MAPK8: variants seen among roughly 807,000 people sequenced by gnomAD.
MAPK8 encodes the protein mitogen-activated protein kinase 8.
A neutral mutation model predicts 52.9 loss-of-function variants in MAPK8; 13 were observed. That is an observed-to-expected ratio of 0.25 (90% CI 0.16 to 0.39). The LOEUF (loss-of-function observed/expected upper bound fraction) is 0.39. Ranked by LOEUF, MAPK8 falls within the 10% of genes least tolerant of loss-of-function variation. MAPK8 has a pLI of 1.00. For missense variants in MAPK8, 300 were observed against 519.2 expected (o/e 0.58, Z 4.10); for synonymous variants, 191 against 169.8 (o/e 1.12, Z -0.97).
Position 48,356,687 on chromosome 10 carries a change from C to T in MAPK8, c.-49-44925C>T, listed in dbSNP as rs931630457. ...TGAAACCCCGTCTTCACTAAAAATA[C>T]AAAAATTAGCTGGTTCTAATGGCAT... On this transcript the variant is annotated intron_variant, in intron 1 of 11. Coordinates refer to ENST00000374189, the MANE Select transcript of MAPK8 (RefSeq NM_001323329.2). Among the ~76,000 whole-genome samples, 3 of 151,382 alleles carry T rather than the reference C, an allele frequency of 2.0e-5. No homozygotes were observed. In the South Asian group the frequency reaches 6.2e-4, roughly 31 times the overall value.
intron 1 of MAPK8, among the ~76,000 whole-genome samples, chr10:48,344,301 T>C (rs1232827021): frequency 2.6e-5 from 4 of 152,210 alleles, no homozygotes; most frequent in Admixed American, 6.5e-5. Flanking sequence ...GCACAGATTT[T>C]GTCAGCTACT....
intron 1 of MAPK8, among the ~76,000 whole-genome samples, chr10:48,330,323 A>G (rs1428931946): frequency 6.6e-6 from 1 of 152,202 alleles, no homozygotes; most frequent in Non-Finnish European, 1.5e-5. Context: ...ACTTAATAGG[A>G]AGATGTTTCA....
chr10:48,308,353 G>A (rs773632887), intron 1 of MAPK8: 2 of 152,078 alleles, frequency 1.3e-5, no homozygotes, highest in Non-Finnish European at 2.9e-5. Flanking sequence ...TTAAAATCAA[G>A]CCTTAAAAAA....
At chr10:48,367,241 C>T (rs1411301546) in intron 1 of MAPK8, among the ~76,000 whole-genome samples, 2 of 152,044 alleles carry the variant, frequency 1.3e-5, no homozygotes, top group South Asian at 2.1e-4. Context: ...TGGTACACGC[C>T]TGTAGTCCTA....
intron 1 of MAPK8, among the ~76,000 whole-genome samples, chr10:48,371,746 C>T (rs1206582963): frequency 6.6e-6 from 1 of 152,124 alleles, no homozygotes; most frequent in Non-Finnish European, 1.5e-5. Context: ...TGCCCCCCTA[C>T]TTCAGATGCC....
chr10:48,315,472 A>G (rs1163749551), intron 1 of MAPK8, among the ~76,000 whole-genome samples: 1 of 152,156 alleles, frequency 6.6e-6, no homozygotes, highest in Non-Finnish European at 1.5e-5. Flanking sequence ...AGAATAAGTG[A>G]CAGCTTTATG....
intron 1 of MAPK8, among the ~76,000 whole-genome samples, chr10:48,326,775 G>A (rs1843564318): frequency 6.6e-6 from 1 of 151,950 alleles, no homozygotes; most frequent in Admixed American, 6.6e-5. Context: ...ATCATTCCTG[G>A]TCCTCCCGTT....
intron 1 of MAPK8, among the ~76,000 whole-genome samples, chr10:48,345,651 C>T (rs892748548): frequency 6.6e-6 from 1 of 152,172 alleles, no homozygotes; most frequent in Non-Finnish European, 1.5e-5. Flanking sequence ...GCTAAAATCC[C>T]TGGACATTAC....
chr10:48,379,949 A>C (rs952949902), intron 1 of MAPK8, among the ~76,000 whole-genome samples: 5 of 151,572 alleles, frequency 3.3e-5, no homozygotes, highest in Non-Finnish European at 7.4e-5. Context: ...AAAAAAAAAA[A>C]AAAAAAAAAA....
intron 1 of MAPK8, among the ~76,000 whole-genome samples, chr10:48,392,141 G>A (rs1365325509): frequency 6.6e-6 from 1 of 152,164 alleles, no homozygotes; most frequent in Non-Finnish European, 1.5e-5. Flanking sequence ...AAACCCACAA[G>A]CCTGTCTGTC....
At chr10:48,322,780 C>T (rs1843122256) in intron 1 of MAPK8, among the ~76,000 whole-genome samples, 1 of 152,184 alleles carries the variant, frequency 6.6e-6, no homozygotes, top group Admixed American at 6.5e-5. Context: ...CCCCGGATGC[C>T]AGACTCCCTT....
intron 2 of MAPK8, among the ~76,000 whole-genome samples, chr10:48,404,349 A>T (rs2042342416): frequency 6.8e-6 from 1 of 147,606 alleles, no homozygotes; most frequent in Non-Finnish European, 1.5e-5. Flanking sequence ...GTAGAGGCGG[A>T]GTTTCACTGT....
At chr10:48,412,560 T>G (rs1378907695) in intron 5 of MAPK8, among the ~76,000 whole-genome samples, 3 of 152,244 alleles carry the variant, frequency 2.0e-5, no homozygotes, top group African/African-American at 7.2e-5. Flanking sequence ...GTATGCCATG[T>G]CTTGTTTTCT....
chr10:48,365,228 T>C (rs144047323), intron 1 of MAPK8, among the ~76,000 whole-genome samples: 2 of 152,004 alleles, frequency 1.3e-5, no homozygotes, highest in African/African-American at 2.4e-5. Flanking sequence ...GAAGCAGGAG[T>C]GAAGTAAAGC....
intron 6 of MAPK8, among the ~76,000 whole-genome samples, chr10:48,421,358 G>T (rs1348627246): frequency 2.0e-5 from 3 of 151,896 alleles, no homozygotes; most frequent in African/African-American, 7.3e-5. Context: ...TATTTTTTGG[G>T]AATTGATAAC....
At chr10:48,327,785 T>C (rs1843679309) in intron 1 of MAPK8, among the ~76,000 whole-genome samples, 1 of 152,232 alleles carries the variant, frequency 6.6e-6, no homozygotes, top group Admixed American at 6.5e-5. Flanking sequence ...ATTCAGATTA[T>C]TGATATAGTT....
intron 1 of MAPK8, among the ~76,000 whole-genome samples, chr10:48,388,644 C>T (rs1381224664): frequency 6.6e-6 from 1 of 152,126 alleles, no homozygotes; most frequent in African/African-American, 2.4e-5. Flanking sequence ...TTATCTGTTT[C>T]TTCAGTATAT....
At chr10:48,343,760 A>G (rs1234430183) in intron 1 of MAPK8, among the ~76,000 whole-genome samples, 1 of 152,226 alleles carries the variant, frequency 6.6e-6, no homozygotes, top group East Asian at 1.9e-4. Context: ...GAAATTTTGA[A>G]AAGAATGGAG....
chr10:48,401,310 A>T (rs540817769), intron 1 of MAPK8, among the ~76,000 whole-genome samples: 3 of 152,282 alleles, frequency 2.0e-5, no homozygotes, highest in Non-Finnish European at 4.4e-5. Flanking sequence ...AAACATGTTT[A>T]ATTTTAATTA....
Sources: gnomAD v4.1 joint callset for allele counts (sites outside exome capture counted in the v4.1 genomes callset) on GRCh38, gnomAD v4.1.1 for gene constraint, MANE v1.5 for transcripts, NCBI Gene and HGNC (gene_info 2026-07-23, HGNC 2026-07-21) for gene names.